Variants in RALGPS1 observed in about 807,000 individuals in gnomAD.
The protein encoded by RALGPS1 is Ral GEF with PH domain and SH3 binding motif 1.
Under a neutral mutation model 78.8 loss-of-function variants are expected in RALGPS1, and 19 were observed. That is an observed-to-expected ratio of 0.24 (90% CI 0.17 to 0.35). RALGPS1 has a LOEUF of 0.35. Ranked by LOEUF, RALGPS1 falls within the 10% of genes least tolerant of loss-of-function variation. RALGPS1 has a pLI of 1.00. For missense variants in RALGPS1, 454 were observed against 688.3 expected (o/e 0.66, Z 3.81); for synonymous variants, 228 against 256.3 (o/e 0.89, Z 1.06).
intron 4 of RALGPS1, 98 bp downstream of exon 4, chr9:126,977,843 G>T: frequency 1.2e-6 from 1 of 835,522 alleles, no homozygotes; most frequent in Non-Finnish European, 1.9e-6. Context: ...TCTCTTGCAG[G>T]CTCTATAAAT....
intron 7 of RALGPS1, among the ~76,000 whole-genome samples, chr9:127,061,845 A>G (rs1361424821): frequency 6.6e-6 from 1 of 152,220 alleles, no homozygotes; most frequent in African/African-American, 2.4e-5. Flanking sequence ...GCCCACCGCC[A>G]GACCAGATCT....
intron 8 of RALGPS1, among the ~76,000 whole-genome samples, chr9:127,118,865 T>C (rs1255927486): frequency 2.6e-5 from 4 of 152,244 alleles, no homozygotes; most frequent in African/African-American, 9.7e-5. Flanking sequence ...CTGTCTGTTA[T>C]GTTTGTTCTA....
intron 1 of RALGPS1, among the ~76,000 whole-genome samples, chr9:126,955,123 A>G (rs190903173): frequency 1.7e-4 from 26 of 152,336 alleles, no homozygotes; most frequent in African/African-American, 5.8e-4. Context: ...CATCCTGGCA[A>G]ATATCATCTT....
At position 127,069,283 on chromosome 9, in the gene RALGPS1, G is replaced by T. The variant is rs759319353; in HGVS notation, c.537G>T (p.Ser179=). 1.2e-6 allele frequency: 2 copies of T among 1,613,348 alleles called. No homozygotes were observed. Among genetic ancestry groups the T allele is most frequent in the East Asian group, 4.5e-5 (2 of 44,882 alleles). ...TTFEKLDYLM[S]KEDNYKRTRE... Reference sequence around the variant, plus strand: ...TTGAGAAATTGGACTACCTGATGTCGAAAGAAGATAATTACAAGCGGACAC... The same window carrying T: ...TTGAGAAATTGGACTACCTGATGTCTAAAGAAGATAATTACAAGCGGACAC... Residue 179 remains serine (S), a synonymous_variant, in exon 8 of 19, where the codon TCG becomes TCT. Coordinates refer to ENST00000259351, the MANE Select transcript of RALGPS1 (RefSeq NM_014636.3).
chr9:127,092,409 G>A (rs1192236072), intron 8 of RALGPS1, among the ~76,000 whole-genome samples: 2 of 152,084 alleles, frequency 1.3e-5, no homozygotes, highest in East Asian at 3.9e-4. Flanking sequence ...CCCATCCACC[G>A]GCGCTCCCCT....
chr9:127,201,915 C>G lies in RALGPS1; in HGVS notation c.1247+2849C>G, dbSNP rs150805809. ...AGCTTTCTCTGCAGGCCGCACCGCT[C>G]GAGCAGACAGAGGCCGTGGAGCCAG... On this transcript the variant is annotated intron_variant, in intron 14 of 18. Transcript: ENST00000259351. Among the ~76,000 whole-genome samples, 434 of 152,328 alleles carry G rather than the reference C, an allele frequency of 2.8e-3. 2 individuals carry two copies. The highest frequency in any genetic ancestry group is 1.0e-2 in the African/African-American group (415 of 41,578).
chr9:126,965,821 C>G, intron 2 of RALGPS1, 23 bp from the exon 3 acceptor site: 1 of 1,586,880 alleles, frequency 6.3e-7, no homozygotes, highest in Non-Finnish European at 8.6e-7. Flanking sequence ...TCAGTTGGCA[C>G]CATCTTTCCC....
At chr9:127,129,618 G>A (rs2056871668) in intron 8 of RALGPS1, among the ~76,000 whole-genome samples, 1 of 152,250 alleles carries the variant, frequency 6.6e-6, no homozygotes, top group Admixed American at 6.5e-5. Context: ...TGAGAGCAGG[G>A]TGGTGTCACC....
At chr9:126,997,574 C>T (rs570744987) in intron 4 of RALGPS1, among the ~76,000 whole-genome samples, 29 of 152,228 alleles carry the variant, frequency 1.9e-4, no homozygotes, top group African/African-American at 4.6e-4. Flanking sequence ...GAATCAATAT[C>T]GTGAAAATGA....
intron 10 of RALGPS1, among the ~76,000 whole-genome samples, chr9:127,172,942 C>G (rs1311382484): frequency 1.3e-5 from 2 of 152,040 alleles, no homozygotes; most frequent in Non-Finnish European, 2.9e-5. Context: ...CTTCTGGCTC[C>G]CATTTGAGAA....
intron 3 of RALGPS1, among the ~76,000 whole-genome samples, chr9:126,971,857 C>T (rs574405210): frequency 2.6e-5 from 4 of 152,136 alleles, no homozygotes; most frequent in South Asian, 2.1e-4. Flanking sequence ...TGAAAACTTA[C>T]GGGATTCTGG....
intron 4 of RALGPS1, among the ~76,000 whole-genome samples, chr9:127,010,508 G>A (rs532137167): frequency 1.3e-5 from 2 of 152,282 alleles, no homozygotes; most frequent in African/African-American, 2.4e-5. Flanking sequence ...GTTGAGAGCC[G>A]AGCACTCTCA....
chr9:127,007,820 A>G (rs900101224), intron 4 of RALGPS1, among the ~76,000 whole-genome samples: 2 of 151,910 alleles, frequency 1.3e-5, no homozygotes, highest in African/African-American at 4.8e-5. Flanking sequence ...TCGTCCGCTG[A>G]TAGCAGTAAG....
chr9:126,959,577 CTT>C (rs1210568941), intron 1 of RALGPS1, among the ~76,000 whole-genome samples: 1 of 146,452 alleles, frequency 6.8e-6, no homozygotes, highest in Non-Finnish European at 1.5e-5. Context: ...TAAGGAAAAA[CTT>C]TACCTGACCA....
At chr9:127,015,095 C>G (rs992881896) in intron 4 of RALGPS1, among the ~76,000 whole-genome samples, 1 of 152,096 alleles carries the variant, frequency 6.6e-6, no homozygotes, top group Non-Finnish European at 1.5e-5. Flanking sequence ...CTTTTTGTTC[C>G]TTTTATAACC....
At chr9:127,110,573 C>CT (rs1249211708) in intron 8 of RALGPS1, among the ~76,000 whole-genome samples, 1 of 152,216 alleles carries the variant, frequency 6.6e-6, no homozygotes, top group Non-Finnish European at 1.5e-5. Context: ...CATACAGCTG[C>CT]TTTTTTGACA....
Position 127,180,865 on chromosome 9 carries a change from T to C in RALGPS1, c.910+6083T>C, listed in dbSNP as rs367717144. ...GAGCCATCTTCACTCACATGCTCAG[T>C]GCTTGCTGCCAGATGGGGCTTGAGC... On this transcript the variant is annotated intron_variant, in intron 11 of 18. Coordinates refer to ENST00000259351, the MANE Select transcript of RALGPS1 (RefSeq NM_014636.3). 1.2e-4 allele frequency among the ~76,000 whole-genome samples: 18 copies of C among 152,374 alleles called. No homozygotes were observed. The South Asian group carries it at 3.3e-3, about 28-fold the overall frequency.
At chr9:127,138,351 C>T (rs2057539310) in intron 8 of RALGPS1, among the ~76,000 whole-genome samples, 1 of 152,162 alleles carries the variant, frequency 6.6e-6, no homozygotes, top group Admixed American at 6.5e-5. Context: ...GCCAGAATGC[C>T]AGGTCCTGCT....
intron 7 of RALGPS1, 32 bp from the exon 8 acceptor site, chr9:127,069,198 A>G: frequency 5.7e-6 from 9 of 1,569,970 alleles, no homozygotes; most frequent in Non-Finnish European, 7.9e-6. Flanking sequence ...CTTCTGGTTT[A>G]CTTATTTTGC....
Sources: allele counts gnomAD v4.1 joint callset (sites outside exome capture counted in the v4.1 genomes callset), GRCh38; gene constraint gnomAD v4.1.1; transcripts MANE v1.5; gene names NCBI Gene and HGNC (gene_info 2026-07-23, HGNC 2026-07-21).